Variants in NID1 observed in about 807,000 individuals in gnomAD.
The protein encoded by NID1 is nidogen-1.
A neutral mutation model predicts 130.6 loss-of-function variants in NID1; 76 were observed. The observed-to-expected ratio is 0.58, with a 90% CI of 0.48 to 0.70. The LOEUF (loss-of-function observed/expected upper bound fraction) is 0.70, where lower values mean the gene tolerates loss of function less well. Among genes scored for constraint, NID1 ranks in the 30% least tolerant of loss-of-function variants. The pLI is 0.00. For synonymous variants in NID1, 665 were observed against 675.1 expected, an observed-to-expected ratio of 0.98 and a Z score of 0.23; for missense variants, 1,517 against 1,664.8, an observed-to-expected ratio of 0.91 and a Z score of 1.54.
intron 12 of NID1, among the ~76,000 whole-genome samples, chr1:236,000,449 C>T (rs1658045301): frequency 6.6e-6 from 1 of 152,150 alleles, no homozygotes; most frequent in Non-Finnish European, 1.5e-5. Flanking sequence ...ATCTTTGAAT[C>T]TGCCTATGAC....
At chr1:235,998,971 G>A (rs1487304431) in intron 12 of NID1, among the ~76,000 whole-genome samples, 2 of 152,288 alleles carry the variant, frequency 1.3e-5, no homozygotes, top group South Asian at 2.1e-4. Flanking sequence ...GAGAACCTAG[G>A]TCTCTGGGTT....
chr1:236,028,042 T>G (rs1337345246), intron 7 of NID1, among the ~76,000 whole-genome samples: 2 of 152,010 alleles, frequency 1.3e-5, no homozygotes, highest in African/African-American at 4.8e-5. Flanking sequence ...AGGAATTGAG[T>G]CTTAGAAAAG....
intron 12 of NID1, among the ~76,000 whole-genome samples, chr1:235,997,602 T>A (rs1657962730): frequency 1.3e-5 from 1 of 77,746 alleles, no homozygotes; most frequent in Admixed American, 1.2e-4. Context: ...GTTCCATTAC[T>A]TTTTTTTTTT....
In NID1 at chr1:235,990,963, T is replaced by C. The variant is rs1196858183; in HGVS notation, c.2851A>G (p.Thr951Ala). 6.2e-7 allele frequency: 1 copy of C among 1,614,018 alleles called. No individual in the cohort carries two copies. Among genetic ancestry groups the C allele is most frequent in the African/African-American group, 1.3e-5 (1 of 74,916 alleles). Residue 951 changes from threonine to alanine, a missense_variant, in exon 14 of 20, where the codon ACT becomes GCT. Physicochemically the swap from Thr to Ala is moderately conservative, Grantham distance 58. Coordinates refer to ENST00000264187, the MANE Select transcript of NID1 (RefSeq NM_002508.3). ...PPGTHLLFAQ[T>A]GKIERLPLEG... ...AGGGGCAGGCGCTCAATCTTCCCAGTCTGGGCAAAGAGTAAATGGGTCCCA... is the reference window on the plus strand; with the variant it reads ...AGGGGCAGGCGCTCAATCTTCCCAGCCTGGGCAAAGAGTAAATGGGTCCCA...
At chr1:236,000,215 A>G (rs1210910826) in intron 12 of NID1, among the ~76,000 whole-genome samples, 1 of 152,102 alleles carries the variant, frequency 6.6e-6, no homozygotes, top group Admixed American at 6.5e-5. Context: ...CTCTATCTCA[A>G]TTAAAACAAC....
rs1257777211 is a variant in NID1, at chr1:236,056,096, G to C, written c.226-7107C>G. Among the ~76,000 whole-genome samples the C allele has an allele frequency of 5.3e-5, 8 of 152,034 alleles. No individual in the cohort carries two copies. In the Middle Eastern group the frequency reaches 0.01, roughly 194 times the overall value. On this transcript the variant is annotated intron_variant, in intron 1 of 19. Coordinates refer to ENST00000264187, the MANE Select transcript of NID1 (RefSeq NM_002508.3). ...GAAAATTGGATATCCTCCTGCAAAAGAATGAAAATGGACCCCTATTTTATA... is the reference window on the plus strand; with the variant it reads ...GAAAATTGGATATCCTCCTGCAAAACAATGAAAATGGACCCCTATTTTATA...
intron 1 of NID1, among the ~76,000 whole-genome samples, chr1:236,058,790 T>A (rs987233149): frequency 1.3e-5 from 2 of 152,220 alleles, no homozygotes; most frequent in African/African-American, 4.8e-5. Flanking sequence ...AAAACATGTG[T>A]GTTTAGAGAA....
At chr1:236,024,519 C>A (rs1315772300) in intron 8 of NID1, among the ~76,000 whole-genome samples, 1 of 152,184 alleles carries the variant, frequency 6.6e-6, no homozygotes, top group South Asian at 2.1e-4. Flanking sequence ...GCCAGCAAAA[C>A]CTAAAATACC....
chr1:236,022,586 C>T (rs143776683), intron 9 of NID1, among the ~76,000 whole-genome samples: 3,798 of 151,300 alleles, frequency 0.025, 166 homozygotes, highest in African/African-American at 0.087. Context: ...GATCCATCCA[C>T]CTCGGCCTCC....
chr1:236,041,874 C>A, intron 4 of NID1, 36 bp downstream of exon 4: 1 of 1,572,410 alleles, frequency 6.4e-7, no homozygotes, highest in African/African-American at 1.4e-5. Context: ...CCCACACATC[C>A]AAGATCGTTA....
Position 236,029,680 on chromosome 1 carries a change from C to A in NID1, c.1608G>T (p.Arg536=), listed in dbSNP as rs775880386. The A allele has an allele frequency of 1.9e-6, 3 of 1,614,096 alleles. No homozygotes were observed. Among genetic ancestry groups the A allele is most frequent in the East Asian group, 2.2e-5 (1 of 44,886 alleles). Residue 536 remains arginine, a synonymous_variant, in exon 7 of 20, where the codon CGG becomes CGT. Transcript: ENST00000264187. The stretch of plus-strand genomic sequence containing the variant: ...GCCCATGCTCATCGATGCCGCTGAA[C>A]CGCTGCTTAATGACCAGATTGCCCG... ...GHPGNLVIKQ[R]FSGIDEHGHL...
In NID1 at chr1:235,979,910, G is replaced by T. The variant is rs1301570045; in HGVS notation, c.3421C>A (p.Pro1141Thr). 6.2e-7 allele frequency: 1 copy of T among 1,614,124 alleles called. No homozygotes were observed. Residue 1141 changes from proline to threonine, a missense_variant, in exon 18 of 20, where the codon CCC becomes ACC. Physicochemically the swap from Pro to Thr is conservative, Grantham distance 38 (BLOSUM62 -1). Around this residue, in one of 3 missense-constraint regions of NID1, gnomAD observed 181 missense variants for 211.3 expected, o/e 0.86. Coordinates refer to ENST00000264187, the MANE Select transcript of NID1 (RefSeq NM_002508.3). This position sits in a 1 kb window ranked among gnomAD's most constrained non-coding sequence, Gnocchi z 4.6. Reference protein sequence around the residue: ...NRAECLNPSQPSRRKALEGLQ... With the variant: ...NRAECLNPSQTSRRKALEGLQ... ...CCTTCGAGAGCCTTGCGTCTGCTGG[G>T]CTGACTGGGGTTCAGGCATTCCGCC...
Position 236,017,143 on chromosome 1 carries a change from C to G in NID1, c.2254+5G>C. The G allele has an allele frequency of 6.2e-7, 1 of 1,614,092 alleles. No homozygotes were observed. Among genetic ancestry groups the G allele is most frequent in the Non-Finnish European group, 8.5e-7 (1 of 1,179,984 alleles). On this transcript the variant is annotated splice_donor_5th_base_variant and intron_variant, in intron 10 of 19. Coordinates refer to ENST00000264187, the MANE Select transcript of NID1 (RefSeq NM_002508.3). ...CTGTTTCGAAAAGTTACCTGGAGAACTTACCCACACACGTTCCCTCATCTG... is the reference window on the plus strand; with the variant it reads ...CTGTTTCGAAAAGTTACCTGGAGAAGTTACCCACACACGTTCCCTCATCTG...
intron 12 of NID1, among the ~76,000 whole-genome samples, chr1:236,007,035 T>G (rs1215891224): frequency 1.3e-5 from 2 of 152,046 alleles, no homozygotes; most frequent in Non-Finnish European, 2.9e-5. Flanking sequence ...TTTTTAAATT[T>G]TTTTGGAGAA....
rs1558432763 is a variant in NID1, at chr1:236,013,432, C to T, written c.2383G>A (p.Gly795Arg). 1 of 1,613,982 alleles carries T rather than the reference C, an allele frequency of 6.2e-7. No individual in the cohort carries two copies. Among genetic ancestry groups the T allele is most frequent in the Non-Finnish European group, 8.5e-7 (1 of 1,180,000 alleles). ...YTCSCLPGFS[G>R]DGQACQDVDE... ...ACACCTTGGCAGGCTTGGCCATCCCCAGAAAAGCCTGGCAAGCAGGAACAG... is the reference window on the plus strand; with the variant it reads ...ACACCTTGGCAGGCTTGGCCATCCCTAGAAAAGCCTGGCAAGCAGGAACAG... Residue 795 changes from glycine (G) to arginine (R), a missense_variant, in exon 11 of 20, where the codon GGG becomes AGG. Physicochemically the swap from Gly to Arg is moderately radical, Grantham distance 125. Transcript: ENST00000264187.
intron 1 of NID1, among the ~76,000 whole-genome samples, chr1:236,053,717 A>C (rs1439124368): frequency 1.3e-5 from 2 of 152,190 alleles, no homozygotes; most frequent in Non-Finnish European, 1.5e-5. Flanking sequence ...CAGTAGTTCC[A>C]GAGCTTACAC....
chr1:235,980,313 G>A (rs1330421669), intron 17 of NID1, among the ~76,000 whole-genome samples, 183 bp downstream of exon 17: 3 of 152,146 alleles, frequency 2.0e-5, no homozygotes, highest in Admixed American at 1.3e-4. Context: ...CAGTATGCAG[G>A]TATCTATACA....
intron 17 of NID1, 58 bp from the exon 18 acceptor site, chr1:235,980,003 A>G: frequency 1.3e-6 from 2 of 1,515,082 alleles, no homozygotes; most frequent in South Asian, 1.1e-5. Flanking sequence ...CCCTTTGTGC[A>G]AAAAAAACAA....
intron 13 of NID1, among the ~76,000 whole-genome samples, chr1:235,993,336 C>A (rs919114879): frequency 6.6e-6 from 1 of 152,208 alleles, no homozygotes; most frequent in Non-Finnish European, 1.5e-5. Context: ...CACACACAGC[C>A]GCTCTGCTAC....
Sources: allele counts gnomAD v4.1 joint callset (sites outside exome capture counted in the v4.1 genomes callset), GRCh38; gene constraint gnomAD v4.1.1; regional missense constraint gnomAD v4.1.1; non-coding constraint Gnocchi (gnomAD v3.1); transcripts MANE v1.5; gene names NCBI Gene and HGNC (gene_info 2026-07-23, HGNC 2026-07-21).